CSMD1: variants seen among roughly 807,000 people sequenced by gnomAD.
CSMD1 encodes CUB and sushi domain-containing protein 1.
CSMD1 carries 213 observed loss-of-function variants against 417.5 expected under a neutral mutation model. That is an observed-to-expected ratio of 0.51 (90% CI 0.46 to 0.57). The LOEUF (loss-of-function observed/expected upper bound fraction) is 0.57, where lower values mean the gene tolerates loss of function less well. Among genes scored for constraint, CSMD1 ranks in the 20% least tolerant of loss-of-function variants. The pLI, the probability that CSMD1 is intolerant of heterozygous loss-of-function variation, is 0.00. For missense variants in CSMD1, 6,923 were observed against 4,529.7 expected (o/e 1.53, Z -15.17); for synonymous variants, 2,862 against 1,736.8 (o/e 1.65, Z -16.11).
intron 3 of CSMD1, among the ~76,000 whole-genome samples, chr8:4,185,978 TAAC>T (rs1798652803): frequency 6.6e-6 from 1 of 152,192 alleles, no homozygotes; most frequent in African/African-American, 2.4e-5. Flanking sequence ...AAATCATTCT[TAAC>T]AAGTCCACCT....
intron 5 of CSMD1, among the ~76,000 whole-genome samples, chr8:3,958,804 T>C (rs1357584896): frequency 6.6e-6 from 1 of 152,220 alleles, no homozygotes; most frequent in Admixed American, 6.5e-5. Flanking sequence ...GCTTTATCTA[T>C]GATACACATC....
chr8:4,563,546 A>T (rs1346599243), intron 2 of CSMD1, among the ~76,000 whole-genome samples: 3 of 152,184 alleles, frequency 2.0e-5, no homozygotes, highest in Admixed American at 6.5e-5. Context: ...CTCACCACAC[A>T]TCCTCACTCC....
intron 3 of CSMD1, among the ~76,000 whole-genome samples, chr8:4,388,151 C>T (rs1159730899): frequency 6.6e-6 from 1 of 152,072 alleles, no homozygotes; most frequent in Non-Finnish European, 1.5e-5. Flanking sequence ...TTACTTCTAC[C>T]AACAGTCCCA....
intron 2 of CSMD1, among the ~76,000 whole-genome samples, chr8:4,525,614 GC>G (rs1563256274): frequency 6.6e-6 from 1 of 152,062 alleles, no homozygotes; most frequent in African/African-American, 2.4e-5. Context: ...TGAATTTGGT[GC>G]AAAAGTAATA....
Position 4,511,089 on chromosome 8 carries a change from T to C in CSMD1, c.303-91024A>G, listed in dbSNP as rs1001909960. On this transcript the variant is annotated intron_variant, in intron 2 of 69. Transcript: ENST00000635120. ...CCATCCTTCAGCCTGGTCAGCACTCTCCTGTTCAATTCCAGATGTGAACAG... is the reference window on the plus strand; with the variant it reads ...CCATCCTTCAGCCTGGTCAGCACTCCCCTGTTCAATTCCAGATGTGAACAG... 2.6e-5 allele frequency among the ~76,000 whole-genome samples: 4 copies of C among 152,136 alleles called. No individual in the cohort carries two copies. The South Asian group carries it at 8.3e-4, about 32-fold the overall frequency.
At chr8:4,058,829 A>C (rs1366354556) in intron 3 of CSMD1, among the ~76,000 whole-genome samples, 2 of 151,526 alleles carry the variant, frequency 1.3e-5, no homozygotes, top group Non-Finnish European at 2.9e-5. Context: ...TTAGACTCCC[A>C]CACAATAATA....
At chr8:3,164,620 T>C (rs1263219179) in intron 37 of CSMD1, among the ~76,000 whole-genome samples, 1 of 152,170 alleles carries the variant, frequency 6.6e-6, no homozygotes, top group Non-Finnish European at 1.5e-5. Flanking sequence ...AAAAAATGTA[T>C]ACTTAAAATA....
chr8:3,705,285 G>C lies in CSMD1; in HGVS notation c.1009+3129C>G, dbSNP rs542627710. 3.3e-5 allele frequency among the ~76,000 whole-genome samples: 5 copies of C among 152,302 alleles called. No individual in the cohort carries two copies. The South Asian group carries it at 1.0e-3, about 32-fold the overall frequency. ...AAGGTCACCCTCTGCAAAGAGCTGT[G>C]ACCTCTGATTTTTGTGCCTTGGAGC... On this transcript the variant is annotated intron_variant, in intron 7 of 69. Transcript: ENST00000635120.
At chr8:3,669,405 G>C (rs761433012) in intron 7 of CSMD1, among the ~76,000 whole-genome samples, 16 of 152,268 alleles carry the variant, frequency 1.1e-4, no homozygotes, top group Middle Eastern at 3.4e-3. Flanking sequence ...GGCCAGTCTA[G>C]GGGTTCGTGT....
In CSMD1 at chr8:3,912,341, G is replaced by T. The variant is rs138466512; in HGVS notation, c.818+85562C>A. 7.4e-4 allele frequency among the ~76,000 whole-genome samples: 112 copies of T among 152,256 alleles called. 1 individual carries two copies. In the East Asian group the frequency reaches 0.019, roughly 26 times the overall value. ...ATACGTACTAATCAATCTGGTTTCA[G>T]TCAAAACATGTATTTAGGATTTACT... On this transcript the variant is annotated intron_variant, in intron 5 of 69. Coordinates refer to ENST00000635120, the MANE Select transcript of CSMD1 (RefSeq NM_033225.6).
intron 2 of CSMD1, among the ~76,000 whole-genome samples, chr8:4,550,773 T>G (rs912220775): frequency 2.6e-5 from 4 of 152,130 alleles, no homozygotes; most frequent in Non-Finnish European, 5.9e-5. Context: ...CCGGAGGCAG[T>G]TTAATCATCT....
At chr8:4,433,024 T>C (rs1797958023) in intron 2 of CSMD1, among the ~76,000 whole-genome samples, 1 of 152,002 alleles carries the variant, frequency 6.6e-6, no homozygotes, top group Admixed American at 6.6e-5. Context: ...GTCAACACTG[T>C]CGTGAACTAC....
At chr8:3,727,927 G>C (rs80230656) in intron 6 of CSMD1, among the ~76,000 whole-genome samples, 1 of 152,096 alleles carries the variant, frequency 6.6e-6, no homozygotes, top group Non-Finnish European at 1.5e-5. Flanking sequence ...TTCAAAGAGC[G>C]GCAGGGAGGA....
chr8:3,143,683 A>G (rs1037942185), intron 40 of CSMD1, among the ~76,000 whole-genome samples: 20 of 152,362 alleles, frequency 1.3e-4, no homozygotes, highest in African/African-American at 4.6e-4. Flanking sequence ...CAGCAGTTGT[A>G]GAGTGTTATT....
At position 4,435,512 on chromosome 8, in the gene CSMD1, T is replaced by C. The variant is rs180755251; in HGVS notation, c.303-15447A>G. ...TATGATATGATTTGTCCAGGAAAAC[T>C]GAAACCTTAACTGCCTGCCTCCTTC... On this transcript the variant is annotated intron_variant, in intron 2 of 69. Coordinates refer to ENST00000635120, the MANE Select transcript of CSMD1 (RefSeq NM_033225.6). Among the ~76,000 whole-genome samples, 12 of 152,330 alleles carry C rather than the reference T, an allele frequency of 7.9e-5. No individual in the cohort carries two copies. In the East Asian group the frequency reaches 2.1e-3, roughly 27 times the overall value.
At chr8:3,187,791 G>C (rs1585597144) in intron 36 of CSMD1, 78 bp downstream of exon 36, 1 of 1,043,292 alleles carries the variant, frequency 9.6e-7, no homozygotes, top group Admixed American at 2.0e-5. Flanking sequence ...TATGTGGAGT[G>C]TTTGCTGTTA....
intron 1 of CSMD1, among the ~76,000 whole-genome samples, chr8:4,830,984 T>G (rs1434961728): frequency 6.6e-6 from 1 of 152,196 alleles, no homozygotes; most frequent in African/African-American, 2.4e-5. Context: ...ACGAGGCATT[T>G]AGAGGCCCTT....
intron 3 of CSMD1, among the ~76,000 whole-genome samples, chr8:4,196,843 C>A (rs899814208): frequency 6.6e-6 from 1 of 152,110 alleles, no homozygotes; most frequent in Non-Finnish European, 1.5e-5. Flanking sequence ...TGATATTTAG[C>A]CTGCACATGC....
chr8:3,157,879 C>T lies in CSMD1; in HGVS notation c.5914+18G>A, dbSNP rs767169239. On this transcript the variant is annotated intron_variant, in intron 39 of 69. Coordinates refer to ENST00000635120, the MANE Select transcript of CSMD1 (RefSeq NM_033225.6). ...CAGTGTGTGCGCAGCAGCAGAGTTA[C>T]AGAAGGTGCATCCTTACCAATGCAC... 1.3e-6 allele frequency: 2 copies of T among 1,547,434 alleles called. No individual in the cohort carries two copies. Among genetic ancestry groups the T allele is most frequent in the Non-Finnish European group, 1.8e-6 (2 of 1,142,832 alleles).
Sources: gnomAD v4.1 joint callset for allele counts (sites outside exome capture counted in the v4.1 genomes callset) on GRCh38, gnomAD v4.1.1 for gene constraint, MANE v1.5 for transcripts, NCBI Gene and HGNC (gene_info 2026-07-23, HGNC 2026-07-21) for gene names.